The following MYO9A variants were observed in gnomAD, a reference collection of about 807,000 sequenced individuals.
The protein encoded by MYO9A is myosin IXA, also known as unconventional myosin-IXa.
A neutral mutation model predicts 293.3 loss-of-function variants in MYO9A; 103 were observed. That is an observed-to-expected ratio of 0.35 (90% CI 0.30 to 0.41). MYO9A has a LOEUF of 0.41. Ranked by LOEUF, MYO9A falls within the 10% of genes least tolerant of loss-of-function variation. MYO9A has a pLI of 1.00. For synonymous variants in MYO9A, 1,001 were observed against 1,035.7 expected (o/e 0.97, Z 0.64); for missense variants, 2,685 against 3,033.0 (o/e 0.89, Z 2.69).
chr15:71,840,279 T>C (rs1312535207), intron 39 of MYO9A, among the ~76,000 whole-genome samples: 1 of 152,214 alleles, frequency 6.6e-6, no homozygotes, highest in Non-Finnish European at 1.5e-5. Flanking sequence ...ATCCATTGGA[T>C]GTGGAGTCCT....
At chr15:71,899,652 A>G in intron 24 of MYO9A, 35 bp downstream of exon 24, 1 of 1,545,394 alleles carries the variant, frequency 6.5e-7, no homozygotes, top group African/African-American at 1.4e-5. Context: ...CTTGGGAAGA[A>G]GAAAAAAAGC....
chr15:71,928,400 T>C (rs1200833353), intron 18 of MYO9A, among the ~76,000 whole-genome samples: 1 of 151,946 alleles, frequency 6.6e-6, no homozygotes, highest in Admixed American at 6.6e-5. Context: ...TTGTTCTTTT[T>C]GTTCAAGATT....
rs369864783 is a variant in MYO9A at position 71,901,258 on chromosome 15, C to T, written c.3083G>A (p.Arg1028Gln). ...CCTACACAGCAAGACCCTGAACCAT[C>T]GCTGCAACAATATGATTCTGCGGAG... ...EVLRRIILLQ[R>Q]WFRVLLCRQH... is the part of the protein sequence containing the mutation. Residue 1028 changes from arginine to glutamine, a missense_variant, in exon 23 of 42, where the codon CGA becomes CAA. Coordinates refer to ENST00000356056, the MANE Select transcript of MYO9A (RefSeq NM_006901.4). 57 of 1,613,852 alleles carry T rather than the reference C, an allele frequency of 3.5e-5. No individual in the cohort carries two copies. The highest frequency in any genetic ancestry group is 6.7e-5 in the African/African-American group (5 of 74,902).
intron 2 of MYO9A, chr15:72,041,600 G>T: frequency 3.5e-6 from 1 of 286,928 alleles, no homozygotes; most frequent in Non-Finnish European, 6.8e-6. Context: ...ACTGCATAGG[G>T]TGAGTGCTGG....
chr15:71,865,198 G>T (rs1259387718), intron 32 of MYO9A, among the ~76,000 whole-genome samples: 1 of 152,102 alleles, frequency 6.6e-6, no homozygotes, highest in Admixed American at 6.6e-5. Flanking sequence ...TTGAATTTTT[G>T]CTTGAATACA....
At chr15:71,999,767 T>C (rs537517615) in intron 9 of MYO9A, 84 bp downstream of exon 9, 25 of 991,440 alleles carry the variant, frequency 2.5e-5, no homozygotes, top group African/African-American at 1.7e-4. Context: ...GTCATTTTCA[T>C]GCTGTTAAGA....
intron 2 of MYO9A, chr15:72,036,367 T>C (rs2078046966): frequency 6.6e-6 from 1 of 152,156 alleles, no homozygotes; most frequent in Admixed American, 6.5e-5. Context: ...ACAAAAACTG[T>C]CAAACTCAAA....
intron 13 of MYO9A, 47 bp from the exon 14 acceptor site, chr15:71,960,143 GA>G: frequency 6.5e-7 from 1 of 1,533,134 alleles, no homozygotes; most frequent in Non-Finnish European, 9.0e-7. Flanking sequence ...AAAAAATTAT[GA>G]AAAACAAGAT....
At chr15:71,919,213 G>C (rs2144913735) in intron 18 of MYO9A, among the ~76,000 whole-genome samples, 1 of 152,302 alleles carries the variant, frequency 6.6e-6, no homozygotes, top group South Asian at 2.1e-4. Flanking sequence ...GGCTGAGGCA[G>C]GCAGATCACC....
At chr15:71,951,063 T>G (rs1357056909) in intron 15 of MYO9A, among the ~76,000 whole-genome samples, 3 of 152,084 alleles carry the variant, frequency 2.0e-5, no homozygotes, top group African/African-American at 7.2e-5. Flanking sequence ...CACACCAATT[T>G]TATAAAAAAG....
In MYO9A at chr15:71,825,526, T is replaced by C. The variant is rs567502403; in HGVS notation, c.*1054A>G. 6 of 152,352 alleles carry C rather than the reference T, an allele frequency of 3.9e-5. No individual in the cohort carries two copies. The highest frequency in any genetic ancestry group is 1.4e-4 in the African/African-American group (6 of 41,588). The allele number at this position is 152,352 out of a possible 1,614,324, so 9.4% of individuals were successfully genotyped here. On this transcript the variant is annotated 3_prime_UTR_variant, in exon 42 of 42. Transcript: ENST00000356056. The stretch of plus-strand genomic sequence containing the variant: ...AAAAACCTTTTTATTTTTTGGCAGC[T>C]TTCTGTAACACTTACTTACTTATTC...
intron 19 of MYO9A, among the ~76,000 whole-genome samples, chr15:71,915,197 C>T (rs1025459930): frequency 3.9e-5 from 6 of 151,956 alleles, no homozygotes; most frequent in African/African-American, 1.5e-4. Flanking sequence ...CATTTCTAAT[C>T]TACAAAGTGA....
chr15:71,934,786 CTTTTTTTTTTTTTTTTTT>C (rs1167613386), intron 17 of MYO9A, among the ~76,000 whole-genome samples: 2 of 61,788 alleles, frequency 3.2e-5, no homozygotes, highest in Non-Finnish European at 2.8e-5. Context: ...CTTTTCTTTT[CTTTTTTTTTTTTTTTTTT>C]TTTTTTTGGA....
chr15:71,874,764 C>A (rs369000879), intron 32 of MYO9A, among the ~76,000 whole-genome samples: 2 of 152,106 alleles, frequency 1.3e-5, no homozygotes, highest in African/African-American at 4.8e-5. Flanking sequence ...TCCTCCCAAA[C>A]GCCTTCATAT....
At chr15:71,910,092 ATATATATACG>A (rs1372115940) in intron 19 of MYO9A, among the ~76,000 whole-genome samples, 1 of 146,180 alleles carries the variant, frequency 6.8e-6, no homozygotes, top group African/African-American at 2.5e-5. Flanking sequence ...ATACACGTAT[ATATATATACG>A]TATATATATA....
intron 6 of MYO9A, among the ~76,000 whole-genome samples, chr15:72,015,050 T>C (rs1415234132): frequency 6.7e-6 from 1 of 149,930 alleles, no homozygotes; most frequent in Non-Finnish European, 1.5e-5. Flanking sequence ...GGTTTCACTA[T>C]GTTGGCCAGG....
Position 72,046,310 on chromosome 15 carries a change from C to T in MYO9A, c.254G>A (p.Arg85Gln), listed in dbSNP as rs2149692744. Residue 85 changes from arginine to glutamine, a missense_variant, in exon 2 of 42, where the codon CGA becomes CAA. Transcript: ENST00000356056. ...AGCCATTCGGGGCCACAGCATCATT[C>T]GCTGAACTGGACAATCTGTTGGATT... ...ILNPTDCPVQRMMLWPRMALE... is the reference protein window; with the variant it reads ...ILNPTDCPVQQMMLWPRMALE... 1 of 1,614,132 alleles carries T rather than the reference C, an allele frequency of 6.2e-7. No individual in the cohort carries two copies. Among genetic ancestry groups the T allele is most frequent in the Non-Finnish European group, 8.5e-7 (1 of 1,179,958 alleles).
In MYO9A at chr15:71,968,059, G is replaced by A. The variant is rs755291232; in HGVS notation, c.1911C>T (p.Tyr637=). The A allele has an allele frequency of 1.9e-6, 3 of 1,612,138 alleles. No individual in the cohort carries two copies. The highest frequency in any genetic ancestry group is 2.2e-5 in the South Asian group (2 of 90,886). The change falls in exon 13 of 42, where the codon TAC becomes TAT. Residue 637 remains tyrosine, a synonymous_variant. Coordinates refer to ENST00000356056, the MANE Select transcript of MYO9A (RefSeq NM_006901.4). ...KFKHQHEDNS[Y]IEFPAVMEPA... Reference sequence around the variant, plus strand: ...GCTCCATCACGGCTGGAAATTCGATGTAAGAATTATCTTCATGTTGATGCT... The same window carrying A: ...GCTCCATCACGGCTGGAAATTCGATATAAGAATTATCTTCATGTTGATGCT...
At chr15:72,057,335 C>G (rs770528887) in intron 1 of MYO9A, among the ~76,000 whole-genome samples, 2 of 152,118 alleles carry the variant, frequency 1.3e-5, no homozygotes, top group Admixed American at 6.6e-5. Flanking sequence ...CCCCAAAAAA[C>G]TATGAAAATA....
Sources: allele counts gnomAD v4.1 joint callset (sites outside exome capture counted in the v4.1 genomes callset), GRCh38; gene constraint gnomAD v4.1.1; transcripts MANE v1.5; gene names NCBI Gene and HGNC (gene_info 2026-07-23, HGNC 2026-07-21).